The following MTHFD1 variants were observed in gnomAD, a reference collection of about 807,000 sequenced individuals.
The protein encoded by MTHFD1 is C-1-tetrahydrofolate synthase, cytoplasmic.
A neutral mutation model predicts 110.3 loss-of-function variants in MTHFD1; 44 were observed. The ratio of observed to expected loss-of-function variants is 0.40; its 90% CI spans 0.31 to 0.51. The LOEUF is 0.51. Ranked by LOEUF, MTHFD1 falls within the 20% of genes least tolerant of loss-of-function variation. The probability of loss-of-function intolerance (pLI) is 0.60; values close to 1 mark genes in which losing one functional copy is unlikely to be tolerated. For missense variants in MTHFD1, 909 were observed against 1,173.1 expected (o/e 0.77, Z 3.29); for synonymous variants, 402 against 428.8 (o/e 0.94, Z 0.77).
intron 24 of MTHFD1, among the ~76,000 whole-genome samples, chr14:64,453,450 A>G (rs941839087): frequency 1.3e-5 from 2 of 152,072 alleles, no homozygotes; most frequent in Admixed American, 6.6e-5. Context: ...GCATGCCTAT[A>G]ATCCCAGCTA....
intron 2 of MTHFD1, among the ~76,000 whole-genome samples, chr14:64,406,497 T>G (rs2077936687): frequency 6.7e-6 from 1 of 148,216 alleles, no homozygotes; most frequent in Admixed American, 6.7e-5. Flanking sequence ...GTGGTTTTTT[T>G]TTTTTTTTTT....
chr14:64,451,428 G>A (rs879744676), intron 24 of MTHFD1, among the ~76,000 whole-genome samples: 6 of 152,192 alleles, frequency 3.9e-5, no homozygotes, highest in Non-Finnish European at 8.8e-5. Context: ...ATTTCTCTTT[G>A]CCCCTTGCAG....
intron 2 of MTHFD1, among the ~76,000 whole-genome samples, chr14:64,404,741 C>T (rs2077924303): frequency 2.6e-5 from 4 of 152,118 alleles, no homozygotes; most frequent in South Asian, 2.1e-4. Context: ...GAGGCTAAGG[C>T]GGGTAGATCA....
chr14:64,448,493 C>A, intron 23 of MTHFD1, 176 bp downstream of exon 23: 1 of 637,366 alleles, frequency 1.6e-6, no homozygotes, highest in East Asian at 2.8e-5. Context: ...CCACCTCACC[C>A]ACTGAGGGTC....
intron 16 of MTHFD1, among the ~76,000 whole-genome samples, chr14:64,437,217 A>C (rs9783612): frequency 0.012 from 1,766 of 152,196 alleles, 24 homozygotes; most frequent in African/African-American, 0.039. Flanking sequence ...TGAAAAAAAA[A>C]CCCACAAAAT....
chr14:64,435,535 CTTATT>C (rs762998029), intron 15 of MTHFD1, 29 bp from the exon 16 acceptor site: 2 of 1,405,190 alleles, frequency 1.4e-6, no homozygotes, highest in South Asian at 1.2e-5. Context: ...TTCTGTTTGT[CTTATT>C]TTATGTTTTC....
At chr14:64,430,532 G>A (rs1359419614) in intron 13 of MTHFD1, among the ~76,000 whole-genome samples, 1 of 151,450 alleles carries the variant, frequency 6.6e-6, no homozygotes, top group Admixed American at 6.6e-5. Flanking sequence ...TCCTGACCTC[G>A]TGATCCGCCC....
At chr14:64,445,446 A>G (rs977884411) in intron 22 of MTHFD1, among the ~76,000 whole-genome samples, 1 of 152,204 alleles carries the variant, frequency 6.6e-6, no homozygotes, top group Non-Finnish European at 1.5e-5. Flanking sequence ...CCATCAAAGA[A>G]ACATCTCTAA....
At chr14:64,408,229 T>C (rs1455835485) in intron 2 of MTHFD1, among the ~76,000 whole-genome samples, 1 of 151,258 alleles carries the variant, frequency 6.6e-6, no homozygotes, top group Non-Finnish European at 1.5e-5. Context: ...TGTTCTGGAA[T>C]AGGATCTTTT....
chr14:64,421,290 C>T (rs1265793434), intron 8 of MTHFD1, among the ~76,000 whole-genome samples: 1 of 152,206 alleles, frequency 6.6e-6, no homozygotes, highest in Admixed American at 6.5e-5. Context: ...GGCGCCACAT[C>T]CAGCTTCCTG....
In MTHFD1 at chr14:64,448,295, G is replaced by A. The variant is rs770319362; in HGVS notation, c.2257G>A (p.Val753Ile). The part of the protein sequence containing the change: ...ENARMFGIPV[V>I]VAVNAFKTDT... ...TGCCAGAATGTTTGGAATTCCAGTA[G>A]TAGTGGCCGTGAATGCATTCAAGTA... Residue 753 changes from valine (V) to isoleucine (I), a missense_variant, in exon 23 of 28, where the codon GTA (valine) becomes ATA (isoleucine). By Grantham distance (29) the Val-to-Ile change is conservative. Around this residue, in one of 3 missense-constraint regions of MTHFD1, gnomAD observed 482 missense variants for 646.0 expected, o/e 0.75. Transcript: ENST00000652337. 1.3e-5 allele frequency: 21 copies of A among 1,613,830 alleles called. No individual in the cohort carries two copies. Among genetic ancestry groups the A allele is most frequent in the Non-Finnish European group, 1.7e-5 (20 of 1,179,660 alleles).
At position 64,459,759 on chromosome 14, in the gene MTHFD1, A is replaced by T. The variant is rs1232009686; in HGVS notation, c.*5A>T. 6.5e-7 allele frequency: 1 copy of T among 1,532,540 alleles called. No individual in the cohort carries two copies. Among genetic ancestry groups the T allele is most frequent in the Admixed American group, 2.0e-5 (1 of 50,034 alleles). The allele number at this position is 1,532,540 out of a possible 1,614,324, so 94.9% of individuals were successfully genotyped here. ...ATTTATTTCTTGTTTTTCCTTCCAG[A>T]TCACCATCCATCTTCAAGAAGCTAC... is the stretch of plus-strand genomic sequence containing the variant. On this transcript the variant is annotated splice_region_variant and 3_prime_UTR_variant, in exon 28 of 28. Transcript: ENST00000652337.
intron 15 of MTHFD1, among the ~76,000 whole-genome samples, chr14:64,434,916 T>G (rs1596549178): frequency 6.8e-6 from 1 of 146,294 alleles, no homozygotes. Flanking sequence ...ACCTGAACTC[T>G]CTAAGCAGAC....
At chr14:64,447,819 T>C (rs3818239) in intron 22 of MTHFD1, among the ~76,000 whole-genome samples, 23,341 of 152,136 alleles carry the variant, frequency 0.15, 2,128 homozygotes, top group African/African-American at 0.26. Flanking sequence ...AGAGTAGAGT[T>C]AATTTGTATT....
At chr14:64,410,411 G>GA (rs1030457053) in intron 2 of MTHFD1, among the ~76,000 whole-genome samples, 1 of 151,460 alleles carries the variant, frequency 6.6e-6, no homozygotes, top group Non-Finnish European at 1.5e-5. Context: ...TAAAGATGGG[G>GA]GGGGGGGTCT....
Position 64,412,502 on chromosome 14 carries a change from C to T in MTHFD1, c.217C>T (p.Pro73Ser). Residue 73 changes from proline to serine, a missense_variant, in exon 4 of 28, where the codon CCA (proline) becomes TCA (serine). Physicochemically the swap from Pro to Ser is moderately conservative, Grantham distance 74 (BLOSUM62 -1). This residue lies in a region of MTHFD1 where 424 missense variants were observed against 510.4 expected (regional missense o/e 0.83). Transcript: ENST00000652337. Reference protein sequence around the residue: ...IGIKATHIKLPRTTTESEVMK... With the variant: ...IGIKATHIKLSRTTTESEVMK... ...GATCAAAGCCACTCACATTAAGTTA[C>T]CAAGAACAACCACAGAATCTGAGGT... The T allele has an allele frequency of 1.9e-6, 3 of 1,613,584 alleles. No homozygotes were observed. Among genetic ancestry groups the T allele is most frequent in the African/African-American group, 1.3e-5 (1 of 75,012 alleles).
chr14:64,425,500 C>T lies in MTHFD1; in HGVS notation c.856-230C>T, dbSNP rs182830033. Among the ~76,000 whole-genome samples the T allele has an allele frequency of 1.4e-4, 21 of 152,222 alleles. 1 individual carries two copies. The highest frequency in any genetic ancestry group is 1.2e-4 in the Non-Finnish European group (8 of 68,018). On this transcript the variant is annotated intron_variant, in intron 9 of 27. Coordinates refer to ENST00000652337, the MANE Select transcript of MTHFD1 (RefSeq NM_005956.4). The stretch of plus-strand genomic sequence containing the variant: ...TGCTGGGATTAGAGGTGTGAGCCAC[C>T]GTGCCCGGCCTGTTTTCCCTTTCTA...
At chr14:64,451,509 G>A (rs999286764) in intron 24 of MTHFD1, among the ~76,000 whole-genome samples, 17 of 152,210 alleles carry the variant, frequency 1.1e-4, no homozygotes, top group African/African-American at 4.1e-4. Flanking sequence ...TTATAGGCAA[G>A]TTTTAAAATC....
chr14:64,393,869 G>C (rs1236666128), intron 1 of MTHFD1, among the ~76,000 whole-genome samples: 1 of 152,160 alleles, frequency 6.6e-6, no homozygotes, highest in Admixed American at 6.6e-5. Context: ...TGACTCAGTA[G>C]AGGTTGGTAG....
Sources: gnomAD v4.1 joint callset for allele counts (sites outside exome capture counted in the v4.1 genomes callset) on GRCh38, gnomAD v4.1.1 for gene constraint, gnomAD v4.1.1 regional missense constraint, MANE v1.5 for transcripts, NCBI Gene and HGNC (gene_info 2026-07-23, HGNC 2026-07-21) for gene names.